COL11A1: variants seen among roughly 807,000 people sequenced by gnomAD.
The protein encoded by COL11A1 is collagen type XI alpha 1 chain.
A neutral mutation model predicts 265.2 loss-of-function variants in COL11A1; 74 were observed. That is an observed-to-expected ratio of 0.28 (90% CI 0.23 to 0.34). The LOEUF (loss-of-function observed/expected upper bound fraction) is 0.34, where lower values mean the gene tolerates loss of function less well. COL11A1 is among the 10% of genes least tolerant of loss of function. COL11A1 has a pLI of 1.00. For synonymous variants in COL11A1, 816 were observed against 727.6 expected, an observed-to-expected ratio of 1.12 and a Z score of -1.96; for missense variants, 2,165 against 2,263.6, an observed-to-expected ratio of 0.96 and a Z score of 0.88.
intron 1 of COL11A1, among the ~76,000 whole-genome samples, chr1:103,106,547 C>T (rs912584643): frequency 4.7e-4 from 71 of 152,104 alleles, no homozygotes; most frequent in Non-Finnish European, 4.4e-5. Flanking sequence ...CCAATCCAAC[C>T]GGTGACCAGG....
Position 102,923,395 on chromosome 1 carries a change from A to G in COL11A1, c.3601-6T>C. 6.3e-7 allele frequency: 1 copy of G among 1,586,348 alleles called. No individual in the cohort carries two copies. Among genetic ancestry groups the G allele is most frequent in the Non-Finnish European group, 8.6e-7 (1 of 1,164,246 alleles). On this transcript the variant is annotated splice_region_variant and splice_polypyrimidine_tract_variant and intron_variant, in intron 46 of 66. Transcript: ENST00000370096. The stretch of plus-strand genomic sequence containing the variant: ...CCAGGTGGGCCTGGCAGACCCTAAG[A>G]AAATATAATAGAAAAATAATAAAAG...
At chr1:102,963,803 A>G (rs2101583914) in intron 38 of COL11A1, among the ~76,000 whole-genome samples, 1 of 152,226 alleles carries the variant, frequency 6.6e-6, no homozygotes, top group East Asian at 1.9e-4. Context: ...TAACTATCTG[A>G]ACACCAGAAT....
At chr1:102,906,636 G>T (rs2100983050) in intron 54 of COL11A1, among the ~76,000 whole-genome samples, 1 of 152,184 alleles carries the variant, frequency 6.6e-6, no homozygotes, top group Middle Eastern at 3.4e-3. Flanking sequence ...CTGGGCTTAA[G>T]CAATACTCCT....
chr1:103,052,286 C>T (rs1669898984), intron 4 of COL11A1, among the ~76,000 whole-genome samples: 1 of 152,072 alleles, frequency 6.6e-6, no homozygotes, highest in Admixed American at 6.6e-5. Flanking sequence ...ATGTTTAATT[C>T]CTCTACTTAA....
chr1:103,028,171 C>T (rs1449234528), intron 5 of COL11A1, among the ~76,000 whole-genome samples: 1 of 152,096 alleles, frequency 6.6e-6, no homozygotes, highest in East Asian at 1.9e-4. Flanking sequence ...GCTAGGATTA[C>T]AGGCGCCTGA....
chr1:102,948,265 G>T (rs1285725602), intron 41 of COL11A1, among the ~76,000 whole-genome samples: 1 of 151,952 alleles, frequency 6.6e-6, no homozygotes, highest in Non-Finnish European at 1.5e-5. Context: ...ACAATTCCAG[G>T]TAGTTTATAG....
rs1014782774 is a variant in COL11A1, at chr1:102,963,665, GATAAGGT to G, written c.2917-912_2917-906del. Reference sequence around the variant, plus strand: ...AACATAGTCTTAACTATTTATCTTGGATAAGGTATACACCTGTCCCAATTTGGGTATA... The same window carrying G: ...AACATAGTCTTAACTATTTATCTTGGATACACCTGTCCCAATTTGGGTATA... On this transcript the variant is annotated intron_variant, in intron 38 of 66. Transcript: ENST00000370096. Among the ~76,000 whole-genome samples the G allele has an allele frequency of 1.4e-4, 21 of 151,756 alleles. No individual in the cohort carries two copies. The East Asian group carries it at 2.9e-3, about 21-fold the overall frequency.
intron 36 of COL11A1, among the ~76,000 whole-genome samples, chr1:102,974,192 A>AAAC (rs1662244899): frequency 6.7e-6 from 1 of 148,740 alleles, no homozygotes; most frequent in South Asian, 2.1e-4. Flanking sequence ...ACAAACAAAC[A>AAAC]AAAACAAAAA....
rs764642153 is a variant in COL11A1 at position 102,887,033 on chromosome 1, C to T, written c.4632G>A (p.Gln1544=). The T allele has an allele frequency of 6.2e-7, 1 of 1,613,792 alleles. No individual in the cohort carries two copies. Among genetic ancestry groups the T allele is most frequent in the African/African-American group, 1.3e-5 (1 of 75,008 alleles). Residue 1544 remains glutamine (Q), a synonymous_variant, in exon 63 of 67, where the codon CAG becomes CAA. Coordinates refer to ENST00000370096, the MANE Select transcript of COL11A1 (RefSeq NM_001854.4). ...GSPGPPGEVI[Q]PLPILSSKKT... ...TTTTGGAGGACAAGATTGGTAAAGG[C>T]TGAATGACTTCACCAGGTGGACCCT...
At chr1:103,101,472 T>C (rs1337455146) in intron 1 of COL11A1, among the ~76,000 whole-genome samples, 4 of 151,938 alleles carry the variant, frequency 2.6e-5, no homozygotes, top group African/African-American at 7.2e-5. Context: ...AGAGTTCTTA[T>C]TAGCAAGCTA....
chr1:103,086,071 CATATA>C (rs138381437), intron 1 of COL11A1, among the ~76,000 whole-genome samples: 8,375 of 152,204 alleles, frequency 0.055, 313 homozygotes, highest in African/African-American at 0.1. Flanking sequence ...TTAAAACATA[CATATA>C]ATATGTTTAT....
intron 54 of COL11A1, 27 bp from the exon 55 acceptor site, chr1:102,899,021 T>C: frequency 1.5e-6 from 2 of 1,373,360 alleles, no homozygotes; most frequent in Non-Finnish European, 2.0e-6. Context: ...TATTGTAAAA[T>C]ATGTATCACA....
chr1:102,989,405 G>A (rs935183505), intron 29 of COL11A1, 113 bp downstream of exon 29: 7 of 562,240 alleles, frequency 1.2e-5, no homozygotes, highest in Admixed American at 3.5e-5. Flanking sequence ...AAAGACTTAG[G>A]TAGTACAAAC....
chr1:103,089,007 A>G (rs532982980), intron 1 of COL11A1, among the ~76,000 whole-genome samples: 1 of 152,332 alleles, frequency 6.6e-6, no homozygotes, highest in African/African-American at 2.4e-5. Context: ...TAGAACTGGA[A>G]TAATTTTCAG....
chr1:103,015,821 A>G, intron 11 of COL11A1, 79 bp from the exon 12 acceptor site: 1 of 1,083,522 alleles, frequency 9.2e-7, no homozygotes, highest in Non-Finnish European at 1.3e-6. Context: ...TTATAACGTA[A>G]GTCTACTTTA....
intron 29 of COL11A1, 44 bp downstream of exon 29, chr1:102,989,474 T>G: frequency 8.3e-7 from 1 of 1,210,338 alleles, no homozygotes; most frequent in Non-Finnish European, 1.2e-6. Flanking sequence ...AATATATATA[T>G]ATATTAAATT....
intron 41 of COL11A1, among the ~76,000 whole-genome samples, chr1:102,957,357 A>G (rs914840741): frequency 2.6e-5 from 4 of 152,078 alleles, no homozygotes; most frequent in African/African-American, 9.7e-5. Context: ...AAACTTTGCA[A>G]ATATCACTGT....
intron 31 of COL11A1, among the ~76,000 whole-genome samples, chr1:102,982,015 A>C (rs1237351577): frequency 6.6e-6 from 1 of 151,970 alleles, no homozygotes; most frequent in Non-Finnish European, 1.5e-5. Flanking sequence ...ATAGGAAAAA[A>C]TACGAAGCTA....
intron 4 of COL11A1, among the ~76,000 whole-genome samples, chr1:103,068,277 A>G (rs1380424452): frequency 6.6e-6 from 1 of 151,712 alleles, no homozygotes; most frequent in Non-Finnish European, 1.5e-5. Flanking sequence ...CCTTTAAGGA[A>G]TGCAAAGTTA....
Sources: allele counts gnomAD v4.1 joint callset (sites outside exome capture counted in the v4.1 genomes callset), GRCh38; gene constraint gnomAD v4.1.1; transcripts MANE v1.5; gene names NCBI Gene and HGNC (gene_info 2026-07-23, HGNC 2026-07-21).